Variants in ITGBL1 observed in about 807,000 individuals in gnomAD.
ITGBL1 encodes integrin subunit beta like 1.
A neutral mutation model predicts 68.5 loss-of-function variants in ITGBL1; 51 were observed. The ratio of observed to expected loss-of-function variants is 0.74; its 90% CI spans 0.59 to 0.94. ITGBL1 has a LOEUF of 0.94. ITGBL1 is among the 40% of genes least tolerant of loss of function. The probability of loss-of-function intolerance (pLI) is 0.00; values close to 1 mark genes in which losing one functional copy is unlikely to be tolerated. For synonymous variants in ITGBL1, 209 were observed against 227.3 expected (o/e 0.92, Z 0.72); for missense variants, 649 against 647.4 (o/e 1.00, Z -0.03).
intron 7 of ITGBL1, among the ~76,000 whole-genome samples, chr13:101,635,928 C>T (rs945300144): frequency 1.3e-5 from 2 of 152,094 alleles, no homozygotes; most frequent in African/African-American, 4.8e-5. Flanking sequence ...TGAGAGGAAA[C>T]AATTACTGTT....
chr13:101,695,371 C>A (rs1274101832), intron 8 of ITGBL1, among the ~76,000 whole-genome samples: 1 of 152,014 alleles, frequency 6.6e-6, no homozygotes, highest in Non-Finnish European at 1.5e-5. Flanking sequence ...CAGAGAAAAA[C>A]CCTGTGTGAT....
chr13:101,591,198 C>T lies in ITGBL1; in HGVS notation c.869-6955C>T, dbSNP rs117814162. Among the ~76,000 whole-genome samples the T allele has an allele frequency of 8.5e-5, 13 of 152,218 alleles. No individual in the cohort carries two copies. The East Asian group carries it at 2.1e-3, about 25-fold the overall frequency. ...GATTATGGGCGTGAGTCACCACGTC[C>T]GATGGGAACTTCTTAAACTGAGATG... On this transcript the variant is annotated intron_variant, in intron 6 of 10. Coordinates refer to ENST00000376180, the MANE Select transcript of ITGBL1 (RefSeq NM_004791.3).
chr13:101,467,634 A>T (rs1254599605), intron 2 of ITGBL1, among the ~76,000 whole-genome samples: 1 of 152,196 alleles, frequency 6.6e-6, no homozygotes, highest in Admixed American at 6.5e-5. Context: ...GGGTAGAAGA[A>T]TGAGGGCTTT....
intron 7 of ITGBL1, among the ~76,000 whole-genome samples, chr13:101,674,790 AT>A (rs1182219719): frequency 6.6e-6 from 1 of 152,020 alleles, no homozygotes; most frequent in Non-Finnish European, 1.5e-5. Context: ...CTATTCTAGT[AT>A]CATAATATTT....
intron 2 of ITGBL1, among the ~76,000 whole-genome samples, chr13:101,556,006 C>A (rs2049999233): frequency 6.6e-6 from 1 of 152,204 alleles, no homozygotes; most frequent in South Asian, 2.1e-4. Context: ...GGGCAACCTG[C>A]TCTCCAAACA....
intron 7 of ITGBL1, among the ~76,000 whole-genome samples, chr13:101,645,045 C>A (rs908084644): frequency 2.0e-5 from 3 of 152,196 alleles, no homozygotes; most frequent in South Asian, 2.1e-4. Context: ...AGACACACCC[C>A]CTCCCAATCA....
intron 7 of ITGBL1, among the ~76,000 whole-genome samples, chr13:101,639,184 T>C (rs1205812744): frequency 1.3e-5 from 2 of 152,176 alleles, no homozygotes; most frequent in Non-Finnish European, 2.9e-5. Context: ...GAAGATAGTA[T>C]TCAGAGTATT....
At chr13:101,645,473 G>A (rs1314008367) in intron 7 of ITGBL1, among the ~76,000 whole-genome samples, 20 of 151,464 alleles carry the variant, frequency 1.3e-4, no homozygotes, top group Admixed American at 1.2e-3. Flanking sequence ...ATAGAGCTTC[G>A]TATTTGGGCA....
intron 7 of ITGBL1, among the ~76,000 whole-genome samples, chr13:101,674,473 A>G (rs1422142845): frequency 6.6e-6 from 1 of 152,220 alleles, no homozygotes; most frequent in Non-Finnish European, 1.5e-5. Context: ...TTTCAATATT[A>G]TACTTCTAAA....
At chr13:101,600,046 A>G (rs2030259457) in intron 7 of ITGBL1, among the ~76,000 whole-genome samples, 2 of 152,128 alleles carry the variant, frequency 1.3e-5, no homozygotes, top group South Asian at 2.1e-4. Context: ...CATTTTCACG[A>G]TATTGATTCT....
chr13:101,551,233 C>T (rs934614812), intron 2 of ITGBL1, among the ~76,000 whole-genome samples: 2 of 152,116 alleles, frequency 1.3e-5, no homozygotes, highest in Non-Finnish European at 2.9e-5. Flanking sequence ...AGAGAAATGT[C>T]AGTAGGATGG....
At chr13:101,584,606 G>C (rs2050519363) in intron 6 of ITGBL1, among the ~76,000 whole-genome samples, 1 of 152,132 alleles carries the variant, frequency 6.6e-6, no homozygotes. Context: ...CATTGCAGAA[G>C]GGTTTCCCTC....
At chr13:101,495,006 G>A (rs1183302332) in intron 2 of ITGBL1, among the ~76,000 whole-genome samples, 3 of 152,190 alleles carry the variant, frequency 2.0e-5, no homozygotes, top group African/African-American at 7.2e-5. Context: ...TCACACAAGT[G>A]CTATATTTCT....
intron 7 of ITGBL1, among the ~76,000 whole-genome samples, chr13:101,684,769 T>C (rs1164364727): frequency 2.0e-5 from 3 of 151,976 alleles, no homozygotes; most frequent in South Asian, 2.1e-4. Context: ...CTTTCTCTTA[T>C]TCCTAATCCA....
At chr13:101,665,745 C>T (rs892970714) in intron 7 of ITGBL1, among the ~76,000 whole-genome samples, 2 of 152,032 alleles carry the variant, frequency 1.3e-5, no homozygotes, top group African/African-American at 4.8e-5. Context: ...TCACTTTTGT[C>T]AAACCCTTAC....
At chr13:101,471,824 G>A (rs2048465620) in intron 2 of ITGBL1, among the ~76,000 whole-genome samples, 1 of 152,008 alleles carries the variant, frequency 6.6e-6, no homozygotes, top group South Asian at 2.1e-4. Context: ...ACAGGCCCAA[G>A]CCAGATATCT....
At chr13:101,530,476 T>C (rs1192782897) in intron 2 of ITGBL1, among the ~76,000 whole-genome samples, 1 of 152,148 alleles carries the variant, frequency 6.6e-6, no homozygotes, top group African/African-American at 2.4e-5. Context: ...GCTTAGATGG[T>C]TCTCCCTTAA....
intron 2 of ITGBL1, among the ~76,000 whole-genome samples, chr13:101,545,157 G>A (rs749133900): frequency 4.6e-5 from 7 of 152,330 alleles, no homozygotes; most frequent in Non-Finnish European, 8.8e-5. Flanking sequence ...ACTGGGAGCT[G>A]TAGACTGGAG....
Position 101,696,774 on chromosome 13 carries a change from G to A in ITGBL1, c.1132+4073G>A, listed in dbSNP as rs183403131. Among the ~76,000 whole-genome samples, 21 of 152,180 alleles carry A rather than the reference G, an allele frequency of 1.4e-4. No homozygotes were observed. The East Asian group carries it at 3.5e-3, about 25-fold the overall frequency. ...TCTCATTATCATATGCTCAAAGCTA[G>A]GATAAAGGTTAGTGCTCAATATTTT... On this transcript the variant is annotated intron_variant, in intron 8 of 10. Transcript: ENST00000376180.
Sources: allele counts gnomAD v4.1 joint callset (sites outside exome capture counted in the v4.1 genomes callset), GRCh38; gene constraint gnomAD v4.1.1; transcripts MANE v1.5; gene names NCBI Gene and HGNC (gene_info 2026-07-23, HGNC 2026-07-21).